The following NKAIN1 variants were observed in gnomAD, a reference collection of about 807,000 sequenced individuals.
NKAIN1 encodes sodium/potassium-transporting ATPase subunit beta-1-interacting protein 1.
In NKAIN1, 13 loss-of-function variants were observed where a neutral mutation model predicts 31.6. The ratio of observed to expected loss-of-function variants is 0.41; its 90% CI spans 0.27 to 0.65. The LOEUF (loss-of-function observed/expected upper bound fraction) is 0.65, where lower values mean the gene tolerates loss of function less well. Ranked by LOEUF, NKAIN1 falls within the 30% of genes least tolerant of loss-of-function variation. The pLI is 0.30. For missense variants in NKAIN1, 193 were observed against 262.2 expected, an observed-to-expected ratio of 0.74 and a Z score of 1.82; for synonymous variants, 104 against 109.0, an observed-to-expected ratio of 0.95 and a Z score of 0.28.
intron 1 of NKAIN1, among the ~76,000 whole-genome samples, chr1:31,216,765 C>T (rs920254411): frequency 2.1e-4 from 32 of 150,750 alleles, no homozygotes; most frequent in African/African-American, 7.8e-4. Flanking sequence ...ACCATCTCGG[C>T]TCACTGCAAC....
chr1:31,234,200 G>T, intron 1 of NKAIN1, among the ~76,000 whole-genome samples: 1 of 152,140 alleles, frequency 6.6e-6, no homozygotes, highest in East Asian at 1.9e-4. Context: ...AACAAAAGGG[G>T]CCAGTGGCCT....
At chr1:31,195,979 A>C (rs544194090) in intron 1 of NKAIN1, among the ~76,000 whole-genome samples, 1 of 152,042 alleles carries the variant, frequency 6.6e-6, no homozygotes, top group East Asian at 1.9e-4. Flanking sequence ...AAACTACATA[A>C]AAGGTCTCCA....
intron 6 of NKAIN1, 73 bp from the exon 7 acceptor site, chr1:31,181,785 C>G: frequency 6.4e-7 from 1 of 1,554,462 alleles, no homozygotes; most frequent in South Asian, 1.2e-5. Flanking sequence ...GGTTGCCCTG[C>G]CCACTCCTCC....
At chr1:31,218,987 G>T in intron 1 of NKAIN1, among the ~76,000 whole-genome samples, 1 of 152,364 alleles carries the variant, frequency 6.6e-6, no homozygotes, top group South Asian at 2.1e-4. Context: ...ACCCAGGGGA[G>T]CCCTGGCCTG....
intron 2 of NKAIN1, 127 bp downstream of exon 2, chr1:31,187,923 T>G: frequency 2.0e-6 from 2 of 1,009,350 alleles, no homozygotes; most frequent in South Asian, 1.8e-5. Flanking sequence ...CCCCATCTTG[T>G]TTTGGGTGGA....
At chr1:31,232,461 A>AGAGAGG (rs1645661260) in intron 1 of NKAIN1, among the ~76,000 whole-genome samples, 14 of 124,392 alleles carry the variant, frequency 1.1e-4, no homozygotes, top group African/African-American at 3.7e-4. Flanking sequence ...AGAGAGAGAG[A>AGAGAGG]GAGAGAGAGA....
At chr1:31,228,329 C>G (rs775337276) in intron 1 of NKAIN1, among the ~76,000 whole-genome samples, 10 of 152,114 alleles carry the variant, frequency 6.6e-5, no homozygotes, top group Non-Finnish European at 1.0e-4. Flanking sequence ...CAAGGGGTGG[C>G]CAGAGCAGGC....
intron 1 of NKAIN1, among the ~76,000 whole-genome samples, chr1:31,201,060 A>G (rs957663475): frequency 5.3e-5 from 8 of 151,938 alleles, no homozygotes; most frequent in African/African-American, 1.9e-4. Context: ...GCTCCCAGCA[A>G]TTTGGGAGGC....
intron 1 of NKAIN1, among the ~76,000 whole-genome samples, chr1:31,203,587 A>AT (rs374430209): frequency 0.06 from 8,531 of 142,624 alleles, 744 homozygotes; most frequent in African/African-American, 0.18. Flanking sequence ...TCGAGGAGTA[A>AT]TTTTTTTTTT....
chr1:31,217,828 T>C (rs956832525), intron 1 of NKAIN1, among the ~76,000 whole-genome samples: 4 of 152,078 alleles, frequency 2.6e-5, no homozygotes, highest in African/African-American at 9.7e-5. Context: ...TGGGGTTCTG[T>C]GTACTCATCT....
intron 2 of NKAIN1, among the ~76,000 whole-genome samples, chr1:31,186,362 C>CA (rs543332474): frequency 0.034 from 2,493 of 72,328 alleles, 58 homozygotes; most frequent in East Asian, 0.13. Flanking sequence ...AACTCCGTCT[C>CA]AAAAAAAAAA....
chr1:31,203,360 C>T (rs61778328), intron 1 of NKAIN1, among the ~76,000 whole-genome samples: 108,054 of 151,998 alleles, frequency 0.71, 39,722 homozygotes, highest in Middle Eastern at 0.9. Context: ...TGCCTCCACA[C>T]GATTCAACAC....
chr1:31,182,449 C>G (rs1645210176), intron 5 of NKAIN1, 81 bp downstream of exon 5: 11 of 1,520,086 alleles, frequency 7.2e-6, no homozygotes, highest in South Asian at 1.1e-5. Flanking sequence ...TCCCTCCCGC[C>G]GGGGCCAGTC....
At chr1:31,185,435 G>A (rs760360055) in intron 2 of NKAIN1, 108 bp from the exon 3 acceptor site, 5 of 828,434 alleles carry the variant, frequency 6.0e-6, no homozygotes, top group Admixed American at 2.1e-5. Flanking sequence ...GGGAAATTAT[G>A]AGAATACCTC....
chr1:31,215,605 G>A (rs1235337378), intron 1 of NKAIN1, among the ~76,000 whole-genome samples: 2 of 152,052 alleles, frequency 1.3e-5, no homozygotes, highest in African/African-American at 4.8e-5. Context: ...CCTGCAGCAC[G>A]AAGGAATAAA....
intron 1 of NKAIN1, among the ~76,000 whole-genome samples, chr1:31,220,033 G>A (rs1159964062): frequency 7.5e-6 from 1 of 133,780 alleles, no homozygotes; most frequent in Non-Finnish European, 1.6e-5. Flanking sequence ...TTGAGATGGA[G>A]TTTTGCTCTT....
intron 1 of NKAIN1, among the ~76,000 whole-genome samples, chr1:31,227,936 T>C (rs1045114885): frequency 6.6e-6 from 1 of 152,082 alleles, no homozygotes; most frequent in Non-Finnish European, 1.5e-5. Flanking sequence ...CCTGTCCCCC[T>C]GGCCAGCCCC....
At chr1:31,200,621 G>T (rs571863754) in intron 1 of NKAIN1, among the ~76,000 whole-genome samples, 25 of 151,664 alleles carry the variant, frequency 1.6e-4, no homozygotes, top group African/African-American at 6.1e-4. Context: ...CCCACACTTG[G>T]CTATTTTTTA....
intron 1 of NKAIN1, among the ~76,000 whole-genome samples, chr1:31,226,068 G>A (rs1260950126): frequency 6.6e-6 from 1 of 152,238 alleles, no homozygotes; most frequent in African/African-American, 2.4e-5. Flanking sequence ...TTAGCTGACT[G>A]CCTGGCACAT....
Sources: allele counts gnomAD v4.1 joint callset (sites outside exome capture counted in the v4.1 genomes callset), GRCh38; gene constraint gnomAD v4.1.1; transcripts MANE v1.5; gene names NCBI Gene and HGNC (gene_info 2026-07-23, HGNC 2026-07-21).